Variants in DLGAP1 observed in about 807,000 individuals in gnomAD.
DLGAP1 encodes DLG associated protein 1, also known as disks large-associated protein 1.
A neutral mutation model predicts 90.8 loss-of-function variants in DLGAP1; 11 were observed. That is an observed-to-expected ratio of 0.12 (90% CI 0.08 to 0.20). The LOEUF (loss-of-function observed/expected upper bound fraction) is 0.20, where lower values mean the gene tolerates loss of function less well. Ranked by LOEUF, DLGAP1 falls within the 10% of genes least tolerant of loss-of-function variation. The probability of loss-of-function intolerance (pLI) is 1.00; values close to 1 mark genes in which losing one functional copy is unlikely to be tolerated. For synonymous variants in DLGAP1, 558 were observed against 540.7 expected, an observed-to-expected ratio of 1.03 and a Z score of -0.44; for missense variants, 1,050 against 1,333.8, an observed-to-expected ratio of 0.79 and a Z score of 3.31.
intron 1 of DLGAP1, among the ~76,000 whole-genome samples, chr18:4,160,523 CA>C (rs1187744442): frequency 6.6e-6 from 1 of 152,146 alleles, no homozygotes; most frequent in African/African-American, 2.4e-5. Context: ...TTAAAATTCA[CA>C]ATAAGCCTAA....
At chr18:3,913,945 T>C (rs1280011413) in intron 3 of DLGAP1, among the ~76,000 whole-genome samples, 1 of 152,212 alleles carries the variant, frequency 6.6e-6, no homozygotes, top group Non-Finnish European at 1.5e-5. Context: ...TGGAAACTGA[T>C]TACATTTTAC....
chr18:4,021,787 T>C (rs2074614389), intron 2 of DLGAP1, among the ~76,000 whole-genome samples: 1 of 152,150 alleles, frequency 6.6e-6, no homozygotes, highest in Non-Finnish European at 1.5e-5. Context: ...TTAGTAGAGA[T>C]AGGGATTCCC....
At chr18:3,604,362 T>G (rs999547375) in intron 7 of DLGAP1, 1 of 152,240 alleles carries the variant, frequency 6.6e-6, no homozygotes, top group East Asian at 1.9e-4. Context: ...CCTTCTTCTT[T>G]TAATAAAACT....
intron 11 of DLGAP1, among the ~76,000 whole-genome samples, chr18:3,504,360 A>G (rs1186487369): frequency 6.6e-6 from 1 of 152,110 alleles, no homozygotes; most frequent in Non-Finnish European, 1.5e-5. Context: ...GCACTTTGGG[A>G]ACTATAAATT....
chr18:4,066,337 T>C (rs984889694), intron 2 of DLGAP1, among the ~76,000 whole-genome samples: 19 of 152,040 alleles, frequency 1.2e-4, no homozygotes, highest in African/African-American at 4.1e-4. Context: ...AGAGAGCTTC[T>C]GTACAGCAAA....
At chr18:3,737,743 T>G (rs1473982887) in intron 6 of DLGAP1, among the ~76,000 whole-genome samples, 4 of 127,118 alleles carry the variant, frequency 3.1e-5, no homozygotes, top group Non-Finnish European at 1.6e-5. Context: ...TCACCACTCC[T>G]ATTCAACATA....
chr18:4,147,575 A>T (rs1411798204), intron 2 of DLGAP1, among the ~76,000 whole-genome samples: 1 of 11,860 alleles, frequency 8.4e-5, no homozygotes, highest in Non-Finnish European at 1.5e-4. Flanking sequence ...CCATTCTTCC[A>T]TCCATCCATC....
At chr18:3,700,061 C>T (rs1039968878) in intron 7 of DLGAP1, among the ~76,000 whole-genome samples, 1 of 152,186 alleles carries the variant, frequency 6.6e-6, no homozygotes, top group Admixed American at 6.5e-5. Flanking sequence ...TTGCTAGGCT[C>T]TCTGGGGGTG....
At chr18:4,395,587 G>A (rs921026949) in intron 1 of DLGAP1, among the ~76,000 whole-genome samples, 1 of 152,180 alleles carries the variant, frequency 6.6e-6, no homozygotes, top group Non-Finnish European at 1.5e-5. Context: ...TGGAGGGGTG[G>A]AGACGGGTGA....
chr18:4,063,198 A>G (rs2075323547), intron 2 of DLGAP1, among the ~76,000 whole-genome samples: 1 of 152,106 alleles, frequency 6.6e-6, no homozygotes. Flanking sequence ...AATGGCTAGC[A>G]TATATAATAC....
intron 4 of DLGAP1, among the ~76,000 whole-genome samples, chr18:3,814,609 C>T (rs533024700): frequency 6.6e-6 from 1 of 152,238 alleles, no homozygotes; most frequent in East Asian, 1.9e-4. Flanking sequence ...GATCTGCCCG[C>T]CTCGGCCTCC....
At chr18:4,104,209 G>C (rs1382922741) in intron 2 of DLGAP1, among the ~76,000 whole-genome samples, 1 of 152,040 alleles carries the variant, frequency 6.6e-6, no homozygotes, top group Admixed American at 6.5e-5. Context: ...GCTTATTTTA[G>C]AGATAGATTT....
intron 1 of DLGAP1, among the ~76,000 whole-genome samples, chr18:4,398,545 G>A (rs1451174163): frequency 6.6e-6 from 1 of 152,176 alleles, no homozygotes; most frequent in African/African-American, 2.4e-5. Context: ...TAACTTAATA[G>A]CTATTACAGA....
At chr18:3,801,908 G>GA (rs1163299895) in intron 5 of DLGAP1, among the ~76,000 whole-genome samples, 5 of 151,942 alleles carry the variant, frequency 3.3e-5, no homozygotes, top group African/African-American at 7.2e-5. Flanking sequence ...ATCTAAATAA[G>GA]AAAAAAAATC....
chr18:4,282,058 T>A lies in DLGAP1; in HGVS notation c.-266-130771A>T, dbSNP rs188325374. Among the ~76,000 whole-genome samples, 12 of 152,286 alleles carry A rather than the reference T, an allele frequency of 7.9e-5. No homozygotes were observed. The East Asian group carries it at 2.3e-3, about 29-fold the overall frequency. Reference sequence around the variant, plus strand: ...CAATTGTTATCAATGTCTATGATAATGTTTTCATTAAAAGAGTCAAAATGG... The same window carrying A: ...CAATTGTTATCAATGTCTATGATAAAGTTTTCATTAAAAGAGTCAAAATGG... On this transcript the variant is annotated intron_variant, in intron 1 of 12. Transcript: ENST00000315677.
chr18:3,976,470 C>G (rs2073582698), intron 3 of DLGAP1, among the ~76,000 whole-genome samples: 3 of 152,102 alleles, frequency 2.0e-5, no homozygotes, highest in African/African-American at 7.2e-5. Context: ...ACCCATAATT[C>G]TCAGCACCCT....
At chr18:3,551,313 G>A (rs113923689) in intron 9 of DLGAP1, among the ~76,000 whole-genome samples, 1 of 151,346 alleles carries the variant, frequency 6.6e-6, no homozygotes, top group Admixed American at 6.6e-5. Flanking sequence ...ATGTAGTGGT[G>A]GTCTTGCCTC....
At chr18:4,438,502 T>C (rs2144806757) in intron 1 of DLGAP1, among the ~76,000 whole-genome samples, 1 of 151,602 alleles carries the variant, frequency 6.6e-6, no homozygotes, top group South Asian at 2.1e-4. Context: ...AGCAACTGTT[T>C]AAATCTCTCA....
intron 1 of DLGAP1, among the ~76,000 whole-genome samples, chr18:4,299,318 C>T (rs2080067434): frequency 6.6e-6 from 1 of 152,098 alleles, no homozygotes; most frequent in Non-Finnish European, 1.5e-5. Context: ...TTTGAAAGAA[C>T]ACTCAACAGA....
Sources: gnomAD v4.1 joint callset for allele counts (sites outside exome capture counted in the v4.1 genomes callset) on GRCh38, gnomAD v4.1.1 for gene constraint, MANE v1.5 for transcripts, NCBI Gene and HGNC (gene_info 2026-07-23, HGNC 2026-07-21) for gene names.